Variants in SYT1 observed in about 807,000 individuals in gnomAD.
The protein encoded by SYT1 is synaptotagmin-1.
In SYT1, 8 loss-of-function variants were observed where a neutral mutation model predicts 44.8. That is an observed-to-expected ratio of 0.18 (90% CI 0.10 to 0.32). SYT1 has a LOEUF of 0.32. SYT1 is among the 10% of genes least tolerant of loss of function. The pLI is 1.00. For missense variants in SYT1, 286 were observed against 509.3 expected, an observed-to-expected ratio of 0.56 and a Z score of 4.22; for synonymous variants, 154 against 188.8, an observed-to-expected ratio of 0.82 and a Z score of 1.51.
chr12:79,199,350 A>T (rs769225971), intron 3 of SYT1, among the ~76,000 whole-genome samples: 3 of 152,154 alleles, frequency 2.0e-5, no homozygotes, highest in Non-Finnish European at 4.4e-5. Flanking sequence ...TTGCAGCTAC[A>T]TGTTCCCCTC....
intron 9 of SYT1, among the ~76,000 whole-genome samples, chr12:79,428,067 A>G (rs1265510902): frequency 1.3e-5 from 2 of 152,278 alleles, no homozygotes; most frequent in East Asian, 1.9e-4. Flanking sequence ...CTGTGGAGTG[A>G]TAACTTTTAG....
chr12:79,256,984 A>G (rs1462260654), intron 4 of SYT1, among the ~76,000 whole-genome samples: 2 of 152,224 alleles, frequency 1.3e-5, no homozygotes, highest in African/African-American at 4.8e-5. Flanking sequence ...TGTTACTAAT[A>G]AAAATAGCTT....
intron 2 of SYT1, among the ~76,000 whole-genome samples, chr12:79,045,277 C>T (rs994763062): frequency 3.3e-5 from 5 of 152,170 alleles, no homozygotes; most frequent in East Asian, 1.9e-4. Context: ...AGCGAGACTA[C>T]GTGGGCGTAG....
chr12:78,865,843 T>C (rs1049262933), intron 1 of SYT1, among the ~76,000 whole-genome samples: 1 of 152,104 alleles, frequency 6.6e-6, no homozygotes, highest in African/African-American at 2.4e-5. Flanking sequence ...CCTGTTTCCA[T>C]CTGTCCTGTG....
At chr12:79,227,230 A>T (rs886846593) in intron 4 of SYT1, among the ~76,000 whole-genome samples, 5 of 151,940 alleles carry the variant, frequency 3.3e-5, no homozygotes, top group Non-Finnish European at 7.4e-5. Flanking sequence ...TAAGGCTTAA[A>T]TTTTTTTTAA....
intron 1 of SYT1, among the ~76,000 whole-genome samples, chr12:78,871,921 C>T (rs778358996): frequency 2.0e-5 from 3 of 151,372 alleles, no homozygotes; most frequent in African/African-American, 4.9e-5. Flanking sequence ...GTTCAGAATC[C>T]GAGGCCACAA....
intron 1 of SYT1, among the ~76,000 whole-genome samples, chr12:78,898,975 T>C (rs1208362337): frequency 6.6e-6 from 1 of 152,090 alleles, no homozygotes; most frequent in East Asian, 1.9e-4. Context: ...TTTTGAGATA[T>C]TTTATTCATT....
chr12:78,872,984 G>A (rs1321888766), intron 1 of SYT1, among the ~76,000 whole-genome samples: 1 of 151,674 alleles, frequency 6.6e-6, no homozygotes, highest in East Asian at 1.9e-4. Flanking sequence ...CAAAAAACTG[G>A]CATGTACTAT....
chr12:79,195,985 T>C (rs553830458), intron 3 of SYT1, among the ~76,000 whole-genome samples: 1 of 152,212 alleles, frequency 6.6e-6, no homozygotes, highest in Non-Finnish European at 1.5e-5. Context: ...ATTCTCTTTA[T>C]TTCTTCATTC....
At chr12:79,239,343 A>C (rs955119743) in intron 4 of SYT1, among the ~76,000 whole-genome samples, 1 of 152,214 alleles carries the variant, frequency 6.6e-6, no homozygotes, top group Admixed American at 6.5e-5. Flanking sequence ...AGAATAAAGA[A>C]AGTCTGAGAA....
intron 2 of SYT1, among the ~76,000 whole-genome samples, chr12:79,016,060 C>T (rs1357421703): frequency 6.6e-6 from 1 of 152,152 alleles, no homozygotes; most frequent in African/African-American, 2.4e-5. Context: ...TTCACTGAAA[C>T]ACATTCAGCT....
intron 3 of SYT1, among the ~76,000 whole-genome samples, chr12:79,083,484 C>T (rs1285979511): frequency 6.6e-6 from 1 of 151,914 alleles, no homozygotes; most frequent in East Asian, 1.9e-4. Flanking sequence ...TGAAACATAG[C>T]AACAACATAA....
intron 3 of SYT1, among the ~76,000 whole-genome samples, chr12:79,200,247 A>G (rs892047098): frequency 7.2e-5 from 11 of 152,154 alleles, no homozygotes; most frequent in Admixed American, 5.2e-4. Context: ...ACTGCAACCC[A>G]GAAGTGCTTG....
chr12:79,399,246 G>GATTGTTAT (rs1884985504), intron 9 of SYT1, among the ~76,000 whole-genome samples: 2 of 149,440 alleles, frequency 1.3e-5, no homozygotes, highest in Admixed American at 1.3e-4. Flanking sequence ...TTTTGATGCA[G>GATTGTTAT]ATTGTTATAT....
chr12:78,872,307 A>T (rs1873864006), intron 1 of SYT1, among the ~76,000 whole-genome samples: 1 of 151,848 alleles, frequency 6.6e-6, no homozygotes. Flanking sequence ...TAGACAACAC[A>T]GAATGAATAT....
At chr12:79,053,273 C>T (rs1026906909) in intron 3 of SYT1, among the ~76,000 whole-genome samples, 2 of 152,034 alleles carry the variant, frequency 1.3e-5, no homozygotes, top group South Asian at 2.1e-4. Flanking sequence ...AACCAAATAC[C>T]GCATGTTCTC....
At chr12:78,920,679 T>G (rs1038375671) in intron 1 of SYT1, among the ~76,000 whole-genome samples, 1 of 151,994 alleles carries the variant, frequency 6.6e-6, no homozygotes, top group African/African-American at 2.4e-5. Context: ...AAAGTAAGTC[T>G]CAACCGGCAA....
intron 6 of SYT1, 112 bp downstream of exon 6, chr12:79,292,242 A>T: frequency 7.8e-7 from 1 of 1,279,066 alleles, no homozygotes; most frequent in Non-Finnish European, 1.1e-6. Flanking sequence ...GGGAAAATGC[A>T]ATTATCAAAG....
intron 2 of SYT1, among the ~76,000 whole-genome samples, chr12:79,010,068 A>T (rs1257945753): frequency 6.6e-6 from 1 of 152,076 alleles, no homozygotes; most frequent in Admixed American, 6.6e-5. Context: ...GTTTCTTGTT[A>T]TTGCTAGATG....
Sources: allele counts gnomAD v4.1 joint callset (sites outside exome capture counted in the v4.1 genomes callset), GRCh38; gene constraint gnomAD v4.1.1; transcripts MANE v1.5; gene names NCBI Gene and HGNC (gene_info 2026-07-23, HGNC 2026-07-21).